Variants in OR4Q3 observed in about 807,000 individuals in gnomAD.
The protein encoded by OR4Q3 is olfactory receptor family 4 subfamily Q member 3.
In OR4Q3, 17 loss-of-function variants were observed where a neutral mutation model predicts 18.8. The ratio of observed to expected loss-of-function variants is 0.91; its 90% CI spans 0.62 to 1.36. The LOEUF (loss-of-function observed/expected upper bound fraction) is 1.36. OR4Q3 is among the 40% of genes most tolerant of loss of function. The pLI is 0.00. For missense variants in OR4Q3, 378 were observed against 373.4 expected (o/e 1.01, Z -0.10); for synonymous variants, 158 against 145.8 (o/e 1.08, Z -0.60).
At chr14:19,745,946 A>G in intron 1 of OR4Q3, among the ~76,000 whole-genome samples, 13 of 152,186 alleles carry the variant, frequency 8.5e-5, no homozygotes, top group African/African-American at 9.6e-5. Flanking sequence ...GATGGTCACA[A>G]TCATGGTGTG....
At chr14:19,747,590 C>A in exon 2 of OR4Q3, 1 of 1,613,950 alleles carries the variant, frequency 6.2e-7, no homozygotes, top group African/African-American at 1.3e-5. Context: ...CCATGCTCAC[C>A]TGCTCCAATC....
exon 2 of OR4Q3, chr14:19,747,424 C>T: frequency 9.5e-6 from 15 of 1,585,562 alleles, no homozygotes; most frequent in Non-Finnish European, 1.3e-5. Context: ...ATATTCTTGG[C>T]TTGATGAAAA....
downstream of OR4Q3, among the ~76,000 whole-genome samples, chr14:19,750,238 G>T: frequency 2.0e-5 from 3 of 152,176 alleles, no homozygotes; most frequent in Non-Finnish European, 2.9e-5. Context: ...GCCTGCCTCA[G>T]CCTCTCAAAG....
intron 1 of OR4Q3, among the ~76,000 whole-genome samples, chr14:19,746,269 T>C: frequency 6.6e-6 from 1 of 152,172 alleles, no homozygotes; most frequent in Non-Finnish European, 1.5e-5. Context: ...AGGCATCTAC[T>C]AATTTTTAAC....
At chr14:19,747,598 A>G in exon 2 of OR4Q3, 28 of 1,613,920 alleles carry the variant, frequency 1.7e-5, no homozygotes, top group Middle Eastern at 1.7e-4. Context: ...ACCTGCTCCA[A>G]TCTCCTATGT....
At chr14:19,746,064 G>A in intron 1 of OR4Q3, among the ~76,000 whole-genome samples, 1 of 151,822 alleles carries the variant, frequency 6.6e-6, no homozygotes, top group Admixed American at 6.6e-5. Flanking sequence ...TTCATTTTTA[G>A]AATTTAAGTA....
At chr14:19,748,104 T>A in exon 2 of OR4Q3, 1 of 1,614,080 alleles carries the variant, frequency 6.2e-7, no homozygotes, top group South Asian at 1.1e-5. Flanking sequence ...CTGATCACCC[T>A]GAGAACACAC....
downstream of OR4Q3, among the ~76,000 whole-genome samples, chr14:19,751,647 G>A: frequency 6.6e-6 from 1 of 151,950 alleles, no homozygotes; most frequent in Non-Finnish European, 1.5e-5. Context: ...GAATTTATCA[G>A]TTTCTTCCAG....
exon 2 of OR4Q3, chr14:19,749,195 T>C: frequency 1.3e-5 from 2 of 152,292 alleles, no homozygotes; most frequent in Non-Finnish European, 2.9e-5. Flanking sequence ...GCACTCATTT[T>C]TGAGATGCTC....
chr14:19,745,548 A>G, intron 1 of OR4Q3, among the ~76,000 whole-genome samples: 1 of 152,124 alleles, frequency 6.6e-6, no homozygotes, highest in Non-Finnish European at 1.5e-5. Flanking sequence ...GGCTTCTAGA[A>G]ACCTTTTTTA....
Position 19,747,679 on chromosome 14 carries a change from G to A in OR4Q3, c.276G>A (p.Gly92=). 7.1e-4 allele frequency: 1,144 copies of A among 1,613,810 alleles called. 1 individual carries two copies. The African/African-American group carries it at 0.013, about 18-fold the overall frequency. Residue 92 remains glycine (G), a synonymous_variant, in exon 2 of 2, where the codon GGG becomes GGA. Transcript: ENST00000642117. ...GTGTTACTGTGCCAAAGATGTTAGGGGATTTCCTACAGCAGGGCAAGAGCA... is the reference window on the plus strand; with the variant it reads ...GTGTTACTGTGCCAAAGATGTTAGGAGATTTCCTACAGCAGGGCAAGAGCA...
At chr14:19,746,135 A>G in intron 1 of OR4Q3, among the ~76,000 whole-genome samples, 14 of 152,134 alleles carry the variant, frequency 9.2e-5, no homozygotes, top group African/African-American at 3.4e-4. Context: ...ATTGGATAAC[A>G]TTCTCTGAAT....
At chr14:19,748,350 G>T in exon 2 of OR4Q3, 2 of 1,607,464 alleles carry the variant, frequency 1.2e-6, no homozygotes, top group Non-Finnish European at 1.7e-6. Flanking sequence ...AAACCATGTG[G>T]CATTCCATTG....
At chr14:19,748,630 A>G in exon 2 of OR4Q3, 10 of 452,764 alleles carry the variant, frequency 2.2e-5, no homozygotes, top group Non-Finnish European at 3.5e-5. Flanking sequence ...GCATTAATTG[A>G]AAGATCAACT....
chr14:19,751,813 T>C, downstream of OR4Q3, among the ~76,000 whole-genome samples: 8 of 152,166 alleles, frequency 5.3e-5, no homozygotes. Flanking sequence ...TCTAACAATC[T>C]TATTTTTTCA....
At chr14:19,743,669 G>A (rs1230507044) in exon 1 of OR4Q3, 1 of 152,300 alleles carries the variant, frequency 6.6e-6, no homozygotes, top group Non-Finnish European at 1.5e-5. Context: ...GACAAGCAAA[G>A]ATGTAGGTTT....
exon 2 of OR4Q3, chr14:19,748,361 C>A: frequency 6.2e-7 from 1 of 1,602,850 alleles, no homozygotes. Context: ...CATTCCATTG[C>A]CTTGTTAAGG....
chr14:19,745,803 G>A, intron 1 of OR4Q3, among the ~76,000 whole-genome samples: 737 of 152,110 alleles, frequency 4.8e-3, no homozygotes, highest in Non-Finnish European at 8.3e-3. Flanking sequence ...ACAGCAAATC[G>A]TTCCCTAACT....
At chr14:19,746,919 G>A in intron 1 of OR4Q3, among the ~76,000 whole-genome samples, 1 of 151,988 alleles carries the variant, frequency 6.6e-6, no homozygotes, top group African/African-American at 2.4e-5. Flanking sequence ...TTTTTTTTAT[G>A]GTGCACATAG....
Sources: gnomAD v4.1 joint callset for allele counts (sites outside exome capture counted in the v4.1 genomes callset) on GRCh38, gnomAD v4.1.1 for gene constraint, MANE v1.5 for transcripts, NCBI Gene and HGNC (gene_info 2026-07-23, HGNC 2026-07-21) for gene names.